The following TLE1 variants were observed in gnomAD, a reference collection of about 807,000 sequenced individuals.
TLE1 encodes the protein TLE family member 1, transcriptional corepressor.
TLE1 carries 21 observed loss-of-function variants against 89.8 expected under a neutral mutation model. The observed-to-expected ratio is 0.23, with a 90% CI of 0.17 to 0.34. The LOEUF is 0.34. Ranked by LOEUF, TLE1 falls within the 10% of genes least tolerant of loss-of-function variation. TLE1 has a pLI of 1.00. For missense variants in TLE1, 795 were observed against 1,031.2 expected (o/e 0.77, Z 3.14); for synonymous variants, 447 against 407.6 (o/e 1.10, Z -1.16).
chr9:81,592,221 G>A (rs759016489), intron 15 of TLE1, among the ~76,000 whole-genome samples: 1 of 152,192 alleles, frequency 6.6e-6, no homozygotes, highest in Non-Finnish European at 1.5e-5. Flanking sequence ...AGCCGGGCGT[G>A]GTGGTGGGCG....
intron 7 of TLE1, chr9:81,633,686 A>C (rs578156094): frequency 2.7e-4 from 132 of 482,022 alleles, no homozygotes; most frequent in Non-Finnish European, 4.4e-4. Context: ...AAAGCCTATG[A>C]AACTAAGTAG....
At chr9:81,678,582 A>T (rs1833194181) in intron 4 of TLE1, among the ~76,000 whole-genome samples, 1 of 152,060 alleles carries the variant, frequency 6.6e-6, no homozygotes, top group South Asian at 2.1e-4. Flanking sequence ...TGGGAGGCTG[A>T]GGCACGTGGC....
chr9:81,619,554 T>C (rs544792229), intron 9 of TLE1, among the ~76,000 whole-genome samples: 27 of 152,324 alleles, frequency 1.8e-4, no homozygotes, highest in African/African-American at 6.0e-4. Context: ...CTCTGTCTAG[T>C]GTTTAGACCT....
At chr9:81,613,004 G>A (rs1207123484) in intron 12 of TLE1, among the ~76,000 whole-genome samples, 2 of 152,198 alleles carry the variant, frequency 1.3e-5, no homozygotes, top group East Asian at 3.9e-4. Flanking sequence ...GTTGCAGTGA[G>A]CTGAGATCCC....
At chr9:81,598,910 G>A (rs1380241609) in intron 14 of TLE1, among the ~76,000 whole-genome samples, 1 of 152,192 alleles carries the variant, frequency 6.6e-6, no homozygotes, top group African/African-American at 2.4e-5. Context: ...GCTCCATCCT[G>A]CATCTGGGCC....
chr9:81,615,544 CAAAAAA>C (rs530072232), intron 11 of TLE1, among the ~76,000 whole-genome samples: 4 of 101,184 alleles, frequency 4.0e-5, no homozygotes, highest in East Asian at 2.7e-4. Flanking sequence ...ACTAAAAATA[CAAAAAA>C]AAAAAAAAAA....
intron 8 of TLE1, among the ~76,000 whole-genome samples, chr9:81,626,594 C>T (rs1825937252): frequency 1.3e-5 from 2 of 152,210 alleles, no homozygotes; most frequent in Non-Finnish European, 2.9e-5. Flanking sequence ...GTCTGAAGGG[C>T]ACACATTGAT....
At chr9:81,590,147 T>C (rs1052567695) in intron 16 of TLE1, among the ~76,000 whole-genome samples, 1 of 151,158 alleles carries the variant, frequency 6.6e-6, no homozygotes, top group Middle Eastern at 3.2e-3. Context: ...TTAAAAAGAC[T>C]TTTTGAGAAC....
intron 8 of TLE1, among the ~76,000 whole-genome samples, chr9:81,623,995 TCCA>T (rs1354518242): frequency 2.0e-5 from 3 of 151,684 alleles, no homozygotes; most frequent in African/African-American, 7.3e-5. Context: ...AGCGGCTCTG[TCCA>T]CCACCTGCTG....
intron 14 of TLE1, among the ~76,000 whole-genome samples, chr9:81,608,206 C>T (rs933411461): frequency 3.3e-5 from 5 of 151,978 alleles, no homozygotes; most frequent in Non-Finnish European, 7.4e-5. Flanking sequence ...GCCAGGGCCT[C>T]ACAACTTTAC....
In TLE1 at chr9:81,688,169, G is replaced by A. The variant is rs530844182; in HGVS notation, c.24+48C>T. On this transcript the variant is annotated intron_variant, in intron 1 of 19. Transcript: ENST00000376499. Reference sequence around the variant, plus strand: ...AGTCTCCCTACCGCCCGGGAGAAGCGCCTCCCCAACGATCCTGGCCCCCCA... The same window carrying A: ...AGTCTCCCTACCGCCCGGGAGAAGCACCTCCCCAACGATCCTGGCCCCCCA... 2.4e-5 allele frequency: 39 copies of A among 1,599,344 alleles called. No homozygotes were observed. The South Asian group carries it at 4.0e-4, about 16-fold the overall frequency.
At chr9:81,630,328 TA>T (rs1200112995) in intron 8 of TLE1, among the ~76,000 whole-genome samples, 1 of 152,116 alleles carries the variant, frequency 6.6e-6, no homozygotes, top group African/African-American at 2.4e-5. Flanking sequence ...TAAAACTCAA[TA>T]AACTACAAGG....
Position 81,584,210 on chromosome 9 carries a change from T to C in TLE1, c.2301A>G (p.Glu767=). Residue 767 remains glutamate, a synonymous_variant, in exon 20 of 20, where the codon GAA becomes GAG. Coordinates refer to ENST00000376499, the MANE Select transcript of TLE1 (RefSeq NM_005077.5). Reference sequence around the variant, plus strand: ...CCACATAATGTTTTCAGTAGATGACTTCATAGACTGTAGCCTTCTTGTCCC... The same window carrying C: ...CCACATAATGTTTTCAGTAGATGACCTCATAGACTGTAGCCTTCTTGTCCC... ...GSGDKKATVY[E]VIY is the part of the protein sequence containing the mutation. 1 of 1,613,984 alleles carries C rather than the reference T, an allele frequency of 6.2e-7. No individual in the cohort carries two copies. Among genetic ancestry groups the C allele is most frequent in the Non-Finnish European group, 8.5e-7 (1 of 1,179,820 alleles).
At chr9:81,605,693 C>T (rs1474221889) in intron 14 of TLE1, among the ~76,000 whole-genome samples, 1 of 151,960 alleles carries the variant, frequency 6.6e-6, no homozygotes, top group Non-Finnish European at 1.5e-5. Flanking sequence ...CAATACCATT[C>T]AGGACATAGG....
At chr9:81,612,861 C>T (rs1224909185) in intron 12 of TLE1, among the ~76,000 whole-genome samples, 5 of 152,170 alleles carry the variant, frequency 3.3e-5, no homozygotes, top group Non-Finnish European at 7.3e-5. Flanking sequence ...AGTTTGAGAC[C>T]AGCCTGGCCA....
At chr9:81,672,107 G>T (rs1398937226) in intron 4 of TLE1, among the ~76,000 whole-genome samples, 1 of 152,180 alleles carries the variant, frequency 6.6e-6, no homozygotes, top group Non-Finnish European at 1.5e-5. Context: ...TGAACGCGGA[G>T]CTTCTCAGCA....
intron 8 of TLE1, among the ~76,000 whole-genome samples, chr9:81,626,972 CT>C (rs1156974474): frequency 6.6e-6 from 1 of 152,138 alleles, no homozygotes; most frequent in Non-Finnish European, 1.5e-5. Flanking sequence ...TATGTCAAAG[CT>C]TTTTTGAAAG....
chr9:81,635,704 A>G (rs1390747164), intron 6 of TLE1, among the ~76,000 whole-genome samples: 1 of 152,168 alleles, frequency 6.6e-6, no homozygotes. Flanking sequence ...TTAAATCTTC[A>G]TGCCAGATCT....
In TLE1 at chr9:81,615,982, C is replaced by A. The variant is rs781562364; in HGVS notation, c.918G>T (p.Leu306Phe). Residue 306 changes from leucine (L) to phenylalanine (F), a missense_variant and splice_region_variant, in exon 11 of 20, where the codon TTG becomes TTT. Leu to Phe is a conservative substitution (Grantham distance 22). Coordinates refer to ENST00000376499, the MANE Select transcript of TLE1 (RefSeq NM_005077.5). ...GCAAGTGTCAGTTTTCTTTACCTAC[C>A]AAGCTCATTTCTTTGGATTTCAAAG... ...STSLKSKEMS[L>F]HEKASTPVLK... 72 of 1,613,360 alleles carry A rather than the reference C, an allele frequency of 4.5e-5. No individual in the cohort carries two copies. Among genetic ancestry groups the A allele is most frequent in the Non-Finnish European group, 5.6e-5 (66 of 1,179,996 alleles).
Sources: allele counts gnomAD v4.1 joint callset (sites outside exome capture counted in the v4.1 genomes callset), GRCh38; gene constraint gnomAD v4.1.1; transcripts MANE v1.5; gene names NCBI Gene and HGNC (gene_info 2026-07-23, HGNC 2026-07-21).